Variants in LHFPL4 observed in about 807,000 individuals in gnomAD.
LHFPL4 encodes LHFPL tetraspan subfamily member 4, also known as LHFPL tetraspan subfamily member 4 protein.
In LHFPL4, 6 loss-of-function variants were observed where a neutral mutation model predicts 20.0. That is an observed-to-expected ratio of 0.30 (90% CI 0.16 to 0.59). LHFPL4 has a LOEUF of 0.59. LHFPL4 is among the 20% of genes least tolerant of loss of function. LHFPL4 has a pLI of 0.88. For missense variants in LHFPL4, 215 were observed against 331.2 expected (o/e 0.65, Z 2.72); for synonymous variants, 129 against 143.8 (o/e 0.90, Z 0.74).
chr3:9,505,675 C>T (rs1472677779), intron 3 of LHFPL4, among the ~76,000 whole-genome samples: 2 of 152,126 alleles, frequency 1.3e-5, no homozygotes, highest in Non-Finnish European at 2.9e-5. Flanking sequence ...CCACCCGCCT[C>T]GGCCTCCCAA....
intron 2 of LHFPL4, among the ~76,000 whole-genome samples, chr3:9,527,545 A>G (rs1374473971): frequency 2.0e-5 from 3 of 151,942 alleles, no homozygotes; most frequent in African/African-American, 7.3e-5. Context: ...GTGAAACCCC[A>G]TCTCTACAAA....
chr3:9,529,817 G>A (rs1339714121), intron 2 of LHFPL4, among the ~76,000 whole-genome samples: 1 of 151,818 alleles, frequency 6.6e-6, no homozygotes, highest in Non-Finnish European at 1.5e-5. Flanking sequence ...ATTTTTAGTA[G>A]AGATGGGGTT....
chr3:9,510,910 C>G (rs1178440608), intron 2 of LHFPL4, among the ~76,000 whole-genome samples: 8 of 150,784 alleles, frequency 5.3e-5, no homozygotes, highest in South Asian at 2.1e-4. Flanking sequence ...TGCACTCCAC[C>G]CTGGGTGACA....
chr3:9,553,105 A>T (rs544197407), intron 1 of LHFPL4, among the ~76,000 whole-genome samples: 3 of 151,414 alleles, frequency 2.0e-5, no homozygotes, highest in African/African-American at 4.8e-5. Context: ...CTGGTGTTGG[A>T]GGACTAGCAG....
chr3:9,516,944 T>A (rs983460927), intron 2 of LHFPL4, among the ~76,000 whole-genome samples: 2 of 151,752 alleles, frequency 1.3e-5, no homozygotes, highest in Non-Finnish European at 2.9e-5. Flanking sequence ...CACGCCGGGC[T>A]GATTTTTTAT....
chr3:9,506,216 G>A lies in LHFPL4; in HGVS notation c.407-13C>T. On this transcript the variant is annotated splice_polypyrimidine_tract_variant and intron_variant, in intron 2 of 3. Coordinates refer to ENST00000287585, the MANE Select transcript of LHFPL4 (RefSeq NM_198560.3). This position sits in a 1 kb window ranked among gnomAD's most constrained non-coding sequence, Gnocchi z 4.5. Reference sequence around the variant, plus strand: ...ACGAGGCACAGAGCTGAGGGGCAGAGCACCGGGCCCACCACCACGGTCAGG... The same window carrying A: ...ACGAGGCACAGAGCTGAGGGGCAGAACACCGGGCCCACCACCACGGTCAGG... The A allele has an allele frequency of 6.2e-7, 1 of 1,600,108 alleles. No individual in the cohort carries two copies. Among genetic ancestry groups the A allele is most frequent in the Non-Finnish European group, 8.6e-7 (1 of 1,167,272 alleles).
At chr3:9,535,720 G>A (rs376308073) in intron 2 of LHFPL4, among the ~76,000 whole-genome samples, 16 of 152,156 alleles carry the variant, frequency 1.1e-4, no homozygotes, top group Middle Eastern at 3.2e-3. Context: ...TTGAGACTGA[G>A]GGGAGTCCAG....
Position 9,528,179 on chromosome 3 carries a change from G to A in LHFPL4, c.407-21976C>T, listed in dbSNP as rs1417457201. Among the ~76,000 whole-genome samples the A allele has an allele frequency of 7.2e-5, 11 of 152,320 alleles. No homozygotes were observed. The South Asian group carries it at 1.2e-3, about 17-fold the overall frequency. ...CTTTTCTTTCACAAAAGTTTACTCA[G>A]TAGCATATGATGCTATTTGATAGCA... is the stretch of plus-strand genomic sequence containing the variant. On this transcript the variant is annotated intron_variant, in intron 2 of 3. Coordinates refer to ENST00000287585, the MANE Select transcript of LHFPL4 (RefSeq NM_198560.3).
At position 9,502,286 on chromosome 3, in the gene LHFPL4, G is replaced by A. The variant is rs746515737; in HGVS notation, c.669C>T (p.Ser223=). Reference sequence around the variant, plus strand: ...AGACATCACCCCCGGGCCGCAACACGGAGCTTACTGTAGAGCCCACAAAAT... The same window carrying A: ...AGACATCACCCCCGGGCCGCAACACAGAGCTTACTGTAGAGCCCACAAAAT... The part of the protein sequence containing the change: ...NKDFVGSTVS[S]VLRPGGDVSG... Residue 223 remains serine (S), a synonymous_variant, in exon 4 of 4, where the codon TCC becomes TCT. Transcript: ENST00000287585. 30 of 1,613,196 alleles carry A rather than the reference G, an allele frequency of 1.9e-5. No individual in the cohort carries two copies. The highest frequency in any genetic ancestry group is 9.9e-5 in the South Asian group (9 of 91,066).
chr3:9,521,915 A>G (rs1219208407), intron 2 of LHFPL4, among the ~76,000 whole-genome samples: 1 of 152,066 alleles, frequency 6.6e-6, no homozygotes. Context: ...AACATCTACC[A>G]TATTTGTTAC....
In LHFPL4 at chr3:9,530,922, C is replaced by T. The variant is rs117452064; in HGVS notation, c.406+21352G>A. On this transcript the variant is annotated intron_variant, in intron 2 of 3. Coordinates refer to ENST00000287585, the MANE Select transcript of LHFPL4 (RefSeq NM_198560.3). ...CCCACATTTCAATCTTTTGATTTAA[C>T]GTGAGAGATGTATGATTCTTCCTTT... 3.3e-4 allele frequency among the ~76,000 whole-genome samples: 50 copies of T among 151,824 alleles called. No individual in the cohort carries two copies. The East Asian group carries it at 8.5e-3, about 26-fold the overall frequency.
Position 9,545,095 on chromosome 3 carries a change from G to C in LHFPL4, c.406+7179C>G, listed in dbSNP as rs191758119. Reference sequence around the variant, plus strand: ...CACGGTCAGTAAAGGGTTGATGTGAGAAACACAAGAAGAGGGGTGGGGAGA... The same window carrying C: ...CACGGTCAGTAAAGGGTTGATGTGACAAACACAAGAAGAGGGGTGGGGAGA... On this transcript the variant is annotated intron_variant, in intron 2 of 3. Transcript: ENST00000287585. Among the ~76,000 whole-genome samples, 16 of 152,062 alleles carry C rather than the reference G, an allele frequency of 1.1e-4. No homozygotes were observed. In the East Asian group the frequency reaches 3.1e-3, roughly 29 times the overall value.
At chr3:9,545,735 GATAAA>G (rs141252772) in intron 2 of LHFPL4, among the ~76,000 whole-genome samples, 2 of 150,344 alleles carry the variant, frequency 1.3e-5, no homozygotes, top group African/African-American at 2.5e-5. Context: ...AAATAAATAA[GATAAA>G]ATAAAATAAA....
At position 9,513,871 on chromosome 3, in the gene LHFPL4, T is replaced by G. The variant is rs1383389399; in HGVS notation, c.407-7668A>C. Among the ~76,000 whole-genome samples the G allele has an allele frequency of 2.0e-5, 3 of 152,204 alleles. No homozygotes were observed. In the East Asian group the frequency reaches 5.8e-4, roughly 29 times the overall value. Reference sequence around the variant, plus strand: ...GACTGTAATGGTAGGACATCTCCATTGGTTTTGGGGTGTGAGGGTGGCACG... The same window carrying G: ...GACTGTAATGGTAGGACATCTCCATGGGTTTTGGGGTGTGAGGGTGGCACG... On this transcript the variant is annotated intron_variant, in intron 2 of 3. Coordinates refer to ENST00000287585, the MANE Select transcript of LHFPL4 (RefSeq NM_198560.3).
intron 2 of LHFPL4, among the ~76,000 whole-genome samples, chr3:9,517,860 C>T (rs546044652): frequency 1.7e-4 from 23 of 135,170 alleles, no homozygotes; most frequent in Admixed American, 1.4e-3. Context: ...ATGATCATAT[C>T]ATCTACAAAC....
chr3:9,535,991 G>A (rs997645861), intron 2 of LHFPL4, among the ~76,000 whole-genome samples: 28 of 152,160 alleles, frequency 1.8e-4, no homozygotes, highest in South Asian at 1.0e-3. Flanking sequence ...TTTAGAGAGG[G>A]GGTTTCATCA....
intron 2 of LHFPL4, among the ~76,000 whole-genome samples, chr3:9,536,079 G>A (rs2046442594): frequency 6.6e-6 from 1 of 152,164 alleles, no homozygotes; most frequent in Non-Finnish European, 1.5e-5. Context: ...TTACAAGCGT[G>A]AGCCACCAGG....
At chr3:9,511,118 G>A (rs1251289448) in intron 2 of LHFPL4, among the ~76,000 whole-genome samples, 15 of 151,720 alleles carry the variant, frequency 9.9e-5, no homozygotes, top group African/African-American at 3.4e-4. Flanking sequence ...TTGGGAGGCC[G>A]AGGCAGGTGG....
chr3:9,523,040 C>CAA (rs751625372), intron 2 of LHFPL4, among the ~76,000 whole-genome samples: 1 of 77,336 alleles, frequency 1.3e-5, no homozygotes, highest in Admixed American at 1.6e-4. Flanking sequence ...GACTCCGTCT[C>CAA]AAAAAAAAAA....
Sources: allele counts gnomAD v4.1 joint callset (sites outside exome capture counted in the v4.1 genomes callset), GRCh38; gene constraint gnomAD v4.1.1; non-coding constraint Gnocchi (gnomAD v3.1); transcripts MANE v1.5; gene names NCBI Gene and HGNC (gene_info 2026-07-23, HGNC 2026-07-21).